The following UBE2L3 variants were observed in gnomAD, a reference collection of about 807,000 sequenced individuals.
UBE2L3 encodes the protein ubiquitin conjugating enzyme E2 L3.
In UBE2L3, 1 loss-of-function variant was observed where a neutral mutation model predicts 17.8. That is an observed-to-expected ratio of 0.06 (90% confidence interval 0.02 to 0.27). The LOEUF is 0.27. UBE2L3 is among the 10% of genes least tolerant of loss of function. UBE2L3 has a pLI of 1.00. For missense variants in UBE2L3, 40 were observed against 192.6 expected (o/e 0.21, Z 4.69); for synonymous variants, 44 against 68.5 (o/e 0.64, Z 1.76).
Position 21,598,541 on chromosome 22 carries a change from C to CT in UBE2L3, c.123+5603dup, listed in dbSNP as rs60333124. Among the ~76,000 whole-genome samples, 387 of 129,074 alleles carry CT rather than the reference C, an allele frequency of 3.0e-3. 2 individuals are homozygous for CT. The highest frequency in any genetic ancestry group is 0.013 in the Middle Eastern group (3 of 232). The allele number at this position is 129,074 out of a possible 152,430, so 84.7% of individuals were successfully genotyped here. On this transcript the variant is annotated intron_variant, in intron 2 of 3. Coordinates refer to ENST00000342192, the MANE Select transcript of UBE2L3 (RefSeq NM_003347.4). ...CCCTTTCCTTCTCCCTTTCCCTTTC[C>CT]TTTTTTTTTTTTTTTTTTAAATAAA...
At chr22:21,580,282 C>T (rs1927550714) in intron 1 of UBE2L3, among the ~76,000 whole-genome samples, 1 of 152,096 alleles carries the variant, frequency 6.6e-6, no homozygotes, top group Non-Finnish European at 1.5e-5. Flanking sequence ...TTGGCTTTAC[C>T]ATCTGTGAAA....
chr22:21,617,295 C>G (rs1482730876), intron 3 of UBE2L3, among the ~76,000 whole-genome samples: 1 of 151,838 alleles, frequency 6.6e-6, no homozygotes, highest in Non-Finnish European at 1.5e-5. Flanking sequence ...GGGACAGAGT[C>G]TCACTTTGTC....
chr22:21,616,514 C>T (rs1287809844), intron 3 of UBE2L3, among the ~76,000 whole-genome samples: 3 of 151,852 alleles, frequency 2.0e-5, no homozygotes, highest in Admixed American at 6.6e-5. Context: ...TAGCTGGGCA[C>T]GGTGGCGTGC....
chr22:21,596,075 A>G (rs980235691), intron 2 of UBE2L3, among the ~76,000 whole-genome samples: 5 of 152,112 alleles, frequency 3.3e-5, no homozygotes, highest in Non-Finnish European at 5.9e-5. Context: ...CATGTTGGCC[A>G]GGATGGTCTC....
chr22:21,597,709 A>C (rs182426103), intron 2 of UBE2L3, among the ~76,000 whole-genome samples: 26 of 141,070 alleles, frequency 1.8e-4, no homozygotes, highest in Middle Eastern at 3.7e-3. Flanking sequence ...AATTTTCCTG[A>C]GTTTTCTTCT....
chr22:21,588,917 C>T (rs1049533696), intron 1 of UBE2L3, among the ~76,000 whole-genome samples: 1 of 151,946 alleles, frequency 6.6e-6, no homozygotes, highest in African/African-American at 2.4e-5. Flanking sequence ...CTGCCTTGGC[C>T]TCTTAAAGTG....
chr22:21,573,305 G>C (rs977443796), intron 1 of UBE2L3, among the ~76,000 whole-genome samples: 2 of 152,022 alleles, frequency 1.3e-5, no homozygotes, highest in East Asian at 3.9e-4. Flanking sequence ...CACCAGCCTT[G>C]TCTCTCCCCA....
chr22:21,615,595 A>C (rs563658076), intron 3 of UBE2L3, among the ~76,000 whole-genome samples: 3 of 152,144 alleles, frequency 2.0e-5, no homozygotes, highest in African/African-American at 7.2e-5. Flanking sequence ...AAATGAAAGA[A>C]CCATCCATGG....
chr22:21,577,593 C>T lies in UBE2L3; in HGVS notation c.27+9822C>T, dbSNP rs8138245. On this transcript the variant is annotated intron_variant, in intron 1 of 3. Coordinates refer to ENST00000342192, the MANE Select transcript of UBE2L3 (RefSeq NM_003347.4). Reference sequence around the variant, plus strand: ...GGCTGAAGTCAGTGGTGGAGCCAGGCCCAACATCAAGGTCCCCTGCTCTCT... The same window carrying T: ...GGCTGAAGTCAGTGGTGGAGCCAGGTCCAACATCAAGGTCCCCTGCTCTCT... 4.0e-3 allele frequency among the ~76,000 whole-genome samples: 604 copies of T among 152,278 alleles called. 3 individuals are homozygous for T. The highest frequency in any genetic ancestry group is 0.014 in the African/African-American group (586 of 41,550).
At chr22:21,570,472 G>C (rs1458820088) in intron 1 of UBE2L3, among the ~76,000 whole-genome samples, 3 of 152,178 alleles carry the variant, frequency 2.0e-5, no homozygotes, top group African/African-American at 7.2e-5. Flanking sequence ...TAGGTTAAGG[G>C]AGTTACCTAA....
chr22:21,573,861 C>T (rs1408769571), intron 1 of UBE2L3, among the ~76,000 whole-genome samples: 1 of 152,188 alleles, frequency 6.6e-6, no homozygotes, highest in East Asian at 1.9e-4. Context: ...GATTTTACCC[C>T]AGATTGGCAT....
intron 2 of UBE2L3, among the ~76,000 whole-genome samples, chr22:21,596,612 C>T (rs1928539657): frequency 6.6e-6 from 1 of 152,118 alleles, no homozygotes; most frequent in African/African-American, 2.4e-5. Flanking sequence ...GATCTCGGCT[C>T]TCTGCAACCT....
chr22:21,563,394 AC>A (rs1218881707), upstream of UBE2L3, among the ~76,000 whole-genome samples: 2 of 143,036 alleles, frequency 1.4e-5, no homozygotes, highest in Admixed American at 1.4e-4. Flanking sequence ...TACTGAAAAT[AC>A]CAAAAAAAAA....
At chr22:21,608,517 G>T (rs564585723) in intron 2 of UBE2L3, among the ~76,000 whole-genome samples, 23 of 152,136 alleles carry the variant, frequency 1.5e-4, no homozygotes, top group African/African-American at 4.3e-4. Context: ...TCTGCCTCCC[G>T]GGTTTAAGCA....
intron 1 of UBE2L3, among the ~76,000 whole-genome samples, chr22:21,558,457 C>T (rs1394634326): frequency 6.6e-6 from 1 of 152,178 alleles, no homozygotes; most frequent in Non-Finnish European, 1.5e-5. Flanking sequence ...ACGGTGAAAC[C>T]CCGTCTCTAC....
At chr22:21,568,058 G>C in intron 1 of UBE2L3, 2 of 1,270,880 alleles carry the variant, frequency 1.6e-6, no homozygotes, top group African/African-American at 3.1e-5. Context: ...CCCTGTCGCG[G>C]AGGCCGCGGT....
intron 3 of UBE2L3, among the ~76,000 whole-genome samples, chr22:21,616,982 G>A (rs1203289388): frequency 2.0e-5 from 3 of 151,566 alleles, no homozygotes; most frequent in Admixed American, 6.6e-5. Flanking sequence ...AGGCCGAGGC[G>A]GGCAGATCAC....
rs977033755 is a variant in UBE2L3, at chr22:21,623,365, G to A, written c.*1696G>A. 6 of 152,710 alleles carry A rather than the reference G, an allele frequency of 3.9e-5. No homozygotes were observed. The highest frequency in any genetic ancestry group is 1.4e-4 in the African/African-American group (6 of 41,406). The allele number at this position is 152,710 out of a possible 1,614,324, so 9.5% of individuals were successfully genotyped here. ...GGTTTCTGGAGACTCCCTTGTGCCC[G>A]GGATGGCAAGGGCACCGGGCTGGCG... On this transcript the variant is annotated 3_prime_UTR_variant, in exon 4 of 4. Transcript: ENST00000342192.
intron 3 of UBE2L3, among the ~76,000 whole-genome samples, chr22:21,619,514 C>G (rs1441417728): frequency 6.6e-6 from 1 of 152,208 alleles, no homozygotes; most frequent in Non-Finnish European, 1.5e-5. Context: ...TCACCTCTAC[C>G]CACTGTGGTC....
Sources: allele counts gnomAD v4.1 joint callset (sites outside exome capture counted in the v4.1 genomes callset), GRCh38; gene constraint gnomAD v4.1.1; transcripts MANE v1.5; gene names NCBI Gene and HGNC (gene_info 2026-07-23, HGNC 2026-07-21).